EIF4E3: variants seen among roughly 807,000 people sequenced by gnomAD.
EIF4E3 encodes eukaryotic translation initiation factor 4E type 3.
Under a neutral mutation model 31.7 loss-of-function variants are expected in EIF4E3, and 26 were observed. That is an observed-to-expected ratio of 0.82 (90% CI 0.60 to 1.14). The LOEUF is 1.14. Ranked by LOEUF, EIF4E3 falls within the 50% of genes most tolerant of loss-of-function variation. The probability of loss-of-function intolerance (pLI) is 0.00; values close to 1 mark genes in which losing one functional copy is unlikely to be tolerated. For synonymous variants in EIF4E3, 128 were observed against 107.7 expected, an observed-to-expected ratio of 1.19 and a Z score of -1.17; for missense variants, 304 against 270.9, an observed-to-expected ratio of 1.12 and a Z score of -0.86.
chr3:71,682,179 A>G lies in EIF4E3; in HGVS notation c.*2503T>C, dbSNP rs937976889. 6.6e-6 allele frequency: 1 copy of G among 152,266 alleles called. No homozygotes were observed. Among genetic ancestry groups the G allele is most frequent in the Admixed American group, 6.5e-5 (1 of 15,288 alleles). 9.4% of individuals were successfully genotyped at this position (152,266 alleles called of 1,614,324 possible). A position where few individuals can be genotyped will look rare whatever the true frequency, so the allele number is the denominator to read the frequency against. Reference sequence around the variant, plus strand: ...AGGGAATAATGGGAGAATAAAAAGCATATTAGTTTCAATCAGATTTCCTGG... The same window carrying G: ...AGGGAATAATGGGAGAATAAAAAGCGTATTAGTTTCAATCAGATTTCCTGG... On this transcript the variant is annotated 3_prime_UTR_variant, in exon 7 of 7. Coordinates refer to ENST00000425534, the MANE Select transcript of EIF4E3 (RefSeq NM_001134651.2).
chr3:71,740,452 G>A (rs2049808188), intron 1 of EIF4E3, among the ~76,000 whole-genome samples: 1 of 152,172 alleles, frequency 6.6e-6, no homozygotes, highest in South Asian at 2.1e-4. Flanking sequence ...AACAGATATT[G>A]GCCAGTCATG....
chr3:71,703,396 C>A (rs2049245474), intron 2 of EIF4E3, among the ~76,000 whole-genome samples: 1 of 152,228 alleles, frequency 6.6e-6, no homozygotes, highest in Admixed American at 6.5e-5. Context: ...CTCAGCATAA[C>A]CTTCACAGGT....
chr3:71,720,440 C>T (rs767820425), intron 1 of EIF4E3, among the ~76,000 whole-genome samples: 2 of 152,008 alleles, frequency 1.3e-5, no homozygotes, highest in African/African-American at 4.8e-5. Context: ...AGAGATCCTC[C>T]CTCCTCAGCC....
intron 2 of EIF4E3, among the ~76,000 whole-genome samples, chr3:71,700,789 AAAC>A (rs1016885956): frequency 2.0e-5 from 3 of 152,120 alleles, no homozygotes; most frequent in Non-Finnish European, 4.4e-5. Flanking sequence ...TCAGGTGCTG[AAAC>A]AACAAGCTGC....
chr3:71,703,056 A>G (rs2108057023), intron 2 of EIF4E3, among the ~76,000 whole-genome samples: 1 of 152,376 alleles, frequency 6.6e-6, no homozygotes, highest in East Asian at 1.9e-4. Context: ...CCAAGATTGC[A>G]GTAAAAGTAA....
At chr3:71,753,100 C>T (rs1170475553) in intron 1 of EIF4E3, among the ~76,000 whole-genome samples, 1 of 152,128 alleles carries the variant, frequency 6.6e-6, no homozygotes, top group African/African-American at 2.4e-5. Flanking sequence ...TCAGACCAAG[C>T]GAAATTTGAA....
chr3:71,724,725 A>G (rs2049604045), intron 1 of EIF4E3, among the ~76,000 whole-genome samples: 1 of 152,072 alleles, frequency 6.6e-6, no homozygotes. Context: ...TGCAATAATC[A>G]TTGCACCACC....
chr3:71,696,302 A>C (rs1359578030), intron 4 of EIF4E3, among the ~76,000 whole-genome samples, 158 bp downstream of exon 4: 1 of 152,234 alleles, frequency 6.6e-6, no homozygotes, highest in East Asian at 1.9e-4. Flanking sequence ...TGACAGTGAA[A>C]GGCAGAAAAT....
At chr3:71,709,728 G>T (rs183792820) in intron 2 of EIF4E3, among the ~76,000 whole-genome samples, 1 of 152,158 alleles carries the variant, frequency 6.6e-6, no homozygotes, top group Admixed American at 6.5e-5. Context: ...ATCAGAGTTA[G>T]ATAGAGAAAG....
chr3:71,735,541 G>A (rs987826038), intron 1 of EIF4E3, among the ~76,000 whole-genome samples: 6 of 152,220 alleles, frequency 3.9e-5, no homozygotes, highest in African/African-American at 1.2e-4. Context: ...TCACCACCCT[G>A]ATAACAGCAG....
chr3:71,721,619 T>C (rs1339169177), intron 1 of EIF4E3, among the ~76,000 whole-genome samples: 1 of 152,076 alleles, frequency 6.6e-6, no homozygotes, highest in Non-Finnish European at 1.5e-5. Context: ...ATCTGATGAT[T>C]TTATAAGTGT....
At chr3:71,753,700 CG>C (rs890914917), upstream of EIF4E3, 2 of 149,534 alleles carry the variant, frequency 1.3e-5, no homozygotes, top group Admixed American at 6.8e-5. Context: ...GCGGGCCCGG[CG>C]GGGGGCAGAG....
In EIF4E3 at chr3:71,681,160, G is replaced by A. The variant is rs2107997504; in HGVS notation, c.*3522C>T. 1 of 152,228 alleles carries A rather than the reference G, an allele frequency of 6.6e-6. No individual in the cohort carries two copies. The highest frequency in any genetic ancestry group is 2.4e-5 in the African/African-American group (1 of 41,526). The allele number at this position is 152,228 out of a possible 1,614,324, so 9.4% of individuals were successfully genotyped here. A position where few individuals can be genotyped will look rare whatever the true frequency, so the allele number is the denominator to read the frequency against. The stretch of plus-strand genomic sequence containing the variant: ...TCTAGCTTTGACACATTTTTATTAG[G>A]TGCATGAAAACTAAATGTCTTATTG... On this transcript the variant is annotated 3_prime_UTR_variant, in exon 7 of 7. Coordinates refer to ENST00000425534, the MANE Select transcript of EIF4E3 (RefSeq NM_001134651.2).
In EIF4E3 at chr3:71,725,389, G is replaced by A. The variant is rs2049620554; in HGVS notation, c.-22C>T. On this transcript the variant is annotated 5_prime_UTR_variant, in exon 1 of 7. Coordinates refer to ENST00000425534, the MANE Select transcript of EIF4E3 (RefSeq NM_001134651.2). The surrounding 1 kb of genome is among the most constrained non-coding windows in gnomAD (Gnocchi z 6.1). Reference sequence around the variant, plus strand: ...CCATTTTCTCCGCCCCGCCTGCAAGGCCGGCGGACGCGCGGACCGCGGGGC... The same window carrying A: ...CCATTTTCTCCGCCCCGCCTGCAAGACCGGCGGACGCGCGGACCGCGGGGC... 4.1e-6 allele frequency: 4 copies of A among 978,128 alleles called. No individual in the cohort carries two copies. Among genetic ancestry groups the A allele is most frequent in the Non-Finnish European group, 4.8e-6 (4 of 826,454 alleles). The allele number at this position is 978,128 out of a possible 1,614,324, so 60.6% of individuals were successfully genotyped here. A position where few individuals can be genotyped will look rare whatever the true frequency, so the allele number is the denominator to read the frequency against.
chr3:71,728,064 G>A (rs1389832887), upstream of EIF4E3, among the ~76,000 whole-genome samples: 1 of 152,154 alleles, frequency 6.6e-6, no homozygotes, highest in Non-Finnish European at 1.5e-5. Flanking sequence ...AGCCAATGAA[G>A]AAGCATCACT....
chr3:71,693,939 G>A lies in EIF4E3; in HGVS notation c.408C>T (p.Ser136=), dbSNP rs1374405230. Reference sequence around the variant, plus strand: ...CTAACAGCAACTCTTTCCAAACTGTGGACTGATATGGGAAAAGAATAAAAA... The same window carrying A: ...CTAACAGCAACTCTTTCCAAACTGTAGACTGATATGGGAAAAGAATAAAAA... ...WKMKVPKDST[S]TVWKELLLAT... The change falls in exon 5 of 7, where the codon TCC becomes TCT. Residue 136 remains serine, a splice_region_variant and synonymous_variant. Transcript: ENST00000425534. 6.3e-7 allele frequency: 1 copy of A among 1,577,272 alleles called. No individual in the cohort carries two copies. The highest frequency in any genetic ancestry group is 8.6e-7 in the Non-Finnish European group (1 of 1,161,390).
chr3:71,710,003 A>G (rs1173633920), intron 2 of EIF4E3, among the ~76,000 whole-genome samples: 1 of 151,972 alleles, frequency 6.6e-6, no homozygotes, highest in Non-Finnish European at 1.5e-5. Context: ...TGACCTCTAA[A>G]CCTTTAGTAA....
chr3:71,740,534 G>A (rs1365758403), intron 1 of EIF4E3, among the ~76,000 whole-genome samples: 4 of 152,272 alleles, frequency 2.6e-5, no homozygotes, highest in East Asian at 1.9e-4. Flanking sequence ...AGGAGTTTGC[G>A]ACCAGCCTGG....
At position 71,678,663 on chromosome 3, in the gene EIF4E3, G is replaced by C. The variant is rs2048892186; in HGVS notation, c.*6019C>G. ...TAGATGAAGCCAGATCAAAAGGAAG[G>C]GCATTACACCAGCTTGTAGCCAGAT... On this transcript the variant is annotated 3_prime_UTR_variant, in exon 7 of 7. Coordinates refer to ENST00000425534, the MANE Select transcript of EIF4E3 (RefSeq NM_001134651.2). 6.6e-6 allele frequency: 1 copy of C among 151,966 alleles called. No individual in the cohort carries two copies. The highest frequency in any genetic ancestry group is 1.5e-5 in the Non-Finnish European group (1 of 68,012). 9.4% of individuals were successfully genotyped at this position (151,966 alleles called of 1,614,324 possible). A position where few individuals can be genotyped will look rare whatever the true frequency, so the allele number is the denominator to read the frequency against.
Sources: gnomAD v4.1 joint callset for allele counts (sites outside exome capture counted in the v4.1 genomes callset) on GRCh38, gnomAD v4.1.1 for gene constraint, Gnocchi (gnomAD v3.1) non-coding constraint, MANE v1.5 for transcripts, NCBI Gene and HGNC (gene_info 2026-07-23, HGNC 2026-07-21) for gene names.